Variants in TRPC5 observed in about 807,000 individuals in gnomAD.
TRPC5 encodes short transient receptor potential channel 5.
A neutral mutation model predicts 56.5 loss-of-function variants in TRPC5; 9 were observed. The observed-to-expected ratio is 0.16, with a 90% confidence interval of 0.10 to 0.28. The LOEUF is 0.28. Among genes scored for constraint, TRPC5 ranks in the 10% least tolerant of loss-of-function variants. TRPC5 has a pLI of 1.00. For synonymous variants in TRPC5, 282 were observed against 278.5 expected, an observed-to-expected ratio of 1.01 and a Z score of -0.13; for missense variants, 469 against 748.9, an observed-to-expected ratio of 0.63 and a Z score of 4.36.
chrX:111,938,374 C>T (rs1307750522), intron 2 of TRPC5, among the ~76,000 whole-genome samples: 21 of 104,925 alleles, frequency 2.0e-4, no homozygotes, highest in African/African-American at 7.6e-4. Flanking sequence ...CCAGAACTTC[C>T]AACACTATGT....
chrX:111,888,018 C>T (rs959217712), intron 3 of TRPC5, among the ~76,000 whole-genome samples: 1 of 111,417 alleles, frequency 9.0e-6, no homozygotes, highest in Non-Finnish European at 1.9e-5. Flanking sequence ...TTAAAATTTA[C>T]AAAGGTGGTA....
rs201802293 is a variant in TRPC5 at position 111,881,145 on chromosome X, T to TATTTTATTTTA, written c.901-27040_901-27039insTAAAATAAAAT. Among the ~76,000 whole-genome samples, 191 of 95,033 alleles carry TATTTTATTTTA rather than the reference T, an allele frequency of 2.0e-3. 3 individuals are homozygous for TATTTTATTTTA. The highest frequency in any genetic ancestry group is 9.7e-3 in the African/African-American group (174 of 17,901). The allele number at this position is 95,033 out of a possible 115,157, so 82.5% of individuals were successfully genotyped here. A position where few individuals can be genotyped will look rare whatever the true frequency, so the allele number is the denominator to read the frequency against. ...TTGCTGTTGTTTTGTGATTTTCTTT[T>TATTTTATTTTA]GTTTATTTTATTTTATTTTATTTTA... On this transcript the variant is annotated intron_variant, in intron 3 of 10. Transcript: ENST00000262839.
intron 7 of TRPC5, among the ~76,000 whole-genome samples, chrX:111,796,513 T>G (rs915204563): frequency 1.8e-5 from 2 of 112,295 alleles, no homozygotes; most frequent in Admixed American, 1.9e-4. Context: ...TTAGTGACTT[T>G]CTTTGACTAA....
rs1461667687 is a variant in TRPC5 at position 111,805,813 on chromosome X, C to T, written c.1897-23675G>A. Among the ~76,000 whole-genome samples, 3 of 110,807 alleles carry T rather than the reference C, an allele frequency of 2.7e-5. No individual in the cohort carries two copies. The Admixed American group carries it at 2.9e-4, about 11-fold the overall frequency. On this transcript the variant is annotated intron_variant, in intron 7 of 10. Transcript: ENST00000262839. ...TCAACCTCCTGAGTAGCTGGGACTA[C>T]AGGCGCATACCACCACACCTGGCTC...
rs143934279 is a variant in TRPC5 at position 111,952,220 on chromosome X, G to A, written c.201C>T (p.Asp67=). ...TGAGCAGGGCACTCCGGCCCAAGGG[G>A]TCCATGCAGTTGATGTTAACATTAT... is the stretch of plus-strand genomic sequence containing the variant. ...IYYNVNINCM[D]PLGRSALLIA... is the part of the protein sequence containing the mutation. The change falls in exon 2 of 11, where the codon GAC becomes GAT. Residue 67 remains aspartate (D), a synonymous_variant. Transcript: ENST00000262839. 39 of 1,210,313 alleles carry A rather than the reference G, an allele frequency of 3.2e-5. No homozygotes were observed. Among genetic ancestry groups the A allele is most frequent in the Non-Finnish European group, 4.2e-5 (38 of 895,357 alleles).
intron 7 of TRPC5, among the ~76,000 whole-genome samples, chrX:111,831,428 C>T (rs977330494): frequency 7.2e-5 from 8 of 111,859 alleles, no homozygotes; most frequent in African/African-American, 2.6e-4. Flanking sequence ...GGGGAGACCA[C>T]CTGCCCTTCT....
intron 5 of TRPC5, among the ~76,000 whole-genome samples, chrX:111,850,771 G>A (rs1923062347): frequency 8.9e-6 from 1 of 111,840 alleles, no homozygotes; most frequent in Non-Finnish European, 1.9e-5. Flanking sequence ...CAGTAAAGTT[G>A]GACAGGTTAT....
At position 112,012,945 on chromosome X, in the gene TRPC5, C is replaced by A. The variant is rs994681947; in HGVS notation, c.-21-60504G>T. ...GAAATACTCCTGTGTACTACTCAGA[C>A]AATTGAAAGCTCTAGTTATTAAGCC... On this transcript the variant is annotated intron_variant, in intron 1 of 10. Coordinates refer to ENST00000262839, the MANE Select transcript of TRPC5 (RefSeq NM_012471.3). Among the ~76,000 whole-genome samples, 4 of 111,707 alleles carry A rather than the reference C, an allele frequency of 3.6e-5. No individual in the cohort carries two copies. The Admixed American group carries it at 3.8e-4, about 11-fold the overall frequency.
At chrX:111,871,109 A>G (rs764499358) in intron 3 of TRPC5, among the ~76,000 whole-genome samples, 3 of 111,570 alleles carry the variant, frequency 2.7e-5, no homozygotes, top group Non-Finnish European at 3.8e-5. Context: ...GAAAATGTAT[A>G]CTGTACATTG....
At chrX:111,902,138 T>C in intron 3 of TRPC5, 2 of 1,150,379 alleles carry the variant, frequency 1.7e-6, no homozygotes. Flanking sequence ...GGATAACTTA[T>C]ATGAAGATAC....
intron 5 of TRPC5, among the ~76,000 whole-genome samples, chrX:111,851,409 A>T (rs370968112): frequency 1.8e-5 from 2 of 111,227 alleles, no homozygotes; most frequent in East Asian, 5.6e-4. Flanking sequence ...TAAGCACCAG[A>T]CCTGAACTCA....
intron 1 of TRPC5, among the ~76,000 whole-genome samples, chrX:111,956,783 G>GAA (rs1031355769): frequency 1.8e-5 from 2 of 111,646 alleles, no homozygotes; most frequent in African/African-American, 6.5e-5. Context: ...CCAGCCCAAT[G>GAA]AAAAAGTCCC....
At chrX:111,973,508 A>G (rs1256547180) in intron 1 of TRPC5, among the ~76,000 whole-genome samples, 2 of 111,638 alleles carry the variant, frequency 1.8e-5, no homozygotes, top group Non-Finnish European at 3.8e-5. Flanking sequence ...AGGGTAGCTT[A>G]ATGCCCTTGG....
intron 7 of TRPC5, among the ~76,000 whole-genome samples, chrX:111,821,075 CCTT>C (rs1922015858): frequency 9.0e-6 from 1 of 111,442 alleles, no homozygotes; most frequent in Non-Finnish European, 1.9e-5. Flanking sequence ...CTAGTCCAAA[CCTT>C]CTTTAATAAT....
chrX:111,779,000 T>C lies in TRPC5; in HGVS notation c.2217A>G (p.Thr739=). 8.4e-7 allele frequency: 1 copy of C among 1,197,578 alleles called. No individual in the cohort carries two copies. The change falls in exon 10 of 11, where the codon ACA becomes ACG. Residue 739 remains threonine (T), a synonymous_variant. Transcript: ENST00000262839. ...IRNSKTHEGL[T]EENFKELKQD... is the part of the protein sequence containing the mutation. ...ATTAAATTACCTTAAAATTTTCTTC[T>C]GTAAGTCCCTCATGTGTTTTGGAAT...
intron 7 of TRPC5, among the ~76,000 whole-genome samples, chrX:111,811,430 CACAA>C (rs1352165326): frequency 1.8e-5 from 2 of 112,801 alleles, no homozygotes; most frequent in African/African-American, 3.2e-5. Context: ...CACACACACA[CACAA>C]ACACACACAG....
Position 112,027,271 on chromosome X carries a change from G to T in TRPC5, c.-22+54608C>A, listed in dbSNP as rs144469502. 1.5e-3 allele frequency among the ~76,000 whole-genome samples: 165 copies of T among 111,967 alleles called. 3 individuals carry two copies. The East Asian group carries it at 0.041, about 28-fold the overall frequency. ...CTCCTTTAGGAGGAAAGGAAAATGT[G>T]TGTGTGTATGTTGTGTGTGTATGCG... On this transcript the variant is annotated intron_variant, in intron 1 of 10. Coordinates refer to ENST00000262839, the MANE Select transcript of TRPC5 (RefSeq NM_012471.3).
chrX:111,782,876 T>C (rs1205649207), intron 7 of TRPC5, among the ~76,000 whole-genome samples: 4 of 109,149 alleles, frequency 3.7e-5, no homozygotes, highest in African/African-American at 1.4e-4. Flanking sequence ...AAGAGCTGCA[T>C]TGACTGATGT....
At chrX:112,003,114 G>A (rs1392802947) in intron 1 of TRPC5, among the ~76,000 whole-genome samples, 1 of 111,625 alleles carries the variant, frequency 9.0e-6, no homozygotes, top group Non-Finnish European at 1.9e-5. Context: ...CAAGCATTGG[G>A]CTAGGTATTG....
Sources: allele counts gnomAD v4.1 joint callset (sites outside exome capture counted in the v4.1 genomes callset), GRCh38; gene constraint gnomAD v4.1.1; transcripts MANE v1.5; gene names NCBI Gene and HGNC (gene_info 2026-07-23, HGNC 2026-07-21).